The following CDH23 variants were observed in gnomAD, a reference collection of about 807,000 sequenced individuals.
CDH23 encodes the protein cadherin-23.
A neutral mutation model predicts 317.1 loss-of-function variants in CDH23; 189 were observed. That is an observed-to-expected ratio of 0.60 (90% CI 0.53 to 0.67). CDH23 has a LOEUF of 0.67. Ranked by LOEUF, CDH23 falls within the 30% of genes least tolerant of loss-of-function variation. CDH23 has a pLI of 0.00. For synonymous variants in CDH23, 1,839 were observed against 1,876.8 expected (o/e 0.98, Z 0.52); for missense variants, 4,401 against 4,592.4 (o/e 0.96, Z 1.20).
intron 4 of CDH23, among the ~76,000 whole-genome samples, 158 bp downstream of exon 4, chr10:71,510,382 C>T (rs1456553848): frequency 6.6e-6 from 1 of 152,106 alleles, no homozygotes; most frequent in African/African-American, 2.4e-5. Flanking sequence ...CTTCAAGGGC[C>T]AATGCTGGTG....
chr10:71,722,094 A>C (rs888238896), intron 28 of CDH23, among the ~76,000 whole-genome samples: 2 of 152,214 alleles, frequency 1.3e-5, no homozygotes, highest in Non-Finnish European at 2.9e-5. Context: ...GAGCAACGAT[A>C]GGAAAGCCTA....
intron 1 of CDH23, among the ~76,000 whole-genome samples, chr10:71,426,147 G>T (rs1050378278): frequency 6.6e-6 from 1 of 152,194 alleles, no homozygotes; most frequent in Non-Finnish European, 1.5e-5. Flanking sequence ...ACTAGGAGTG[G>T]CCTTGGCCTC....
intron 6 of CDH23, among the ~76,000 whole-genome samples, chr10:71,515,394 T>TCTCACACA (rs1491490493): frequency 1.9e-4 from 5 of 26,630 alleles, no homozygotes; most frequent in African/African-American, 4.3e-4. Context: ...TCTCTCTCTC[T>TCTCACACA]CACACACACA....
At chr10:71,521,259 C>T (rs1854661101) in intron 6 of CDH23, among the ~76,000 whole-genome samples, 1 of 152,104 alleles carries the variant, frequency 6.6e-6, no homozygotes, top group Non-Finnish European at 1.5e-5. Context: ...AGCCCAATGC[C>T]CACTCACGTC....
At position 71,695,675 on chromosome 10, in the gene CDH23, T is replaced by C. The variant is rs1865360672; in HGVS notation, c.2397+150T>C. ...TCTTGCAATAGAGTTCTAGCGGTTC[T>C]CCTGCATGGTGAAAGGCAGTCAGAG... On this transcript the variant is annotated intron_variant, in intron 22 of 69. Coordinates refer to ENST00000224721, the MANE Select transcript of CDH23 (RefSeq NM_022124.6). 8.0e-6 allele frequency: 5 copies of C among 621,672 alleles called. No homozygotes were observed. The Admixed American group carries it at 1.3e-4, about 16-fold the overall frequency. The allele number at this position is 621,672 out of a possible 1,614,324, so 38.5% of individuals were successfully genotyped here. A position where few individuals can be genotyped will look rare whatever the true frequency, so the allele number is the denominator to read the frequency against.
intron 1 of CDH23, among the ~76,000 whole-genome samples, chr10:71,408,217 T>G (rs1848199081): frequency 6.6e-6 from 1 of 152,168 alleles, no homozygotes; most frequent in South Asian, 2.1e-4. Context: ...TCAATTGATA[T>G]TTATTAAGCA....
chr10:71,427,697 G>A (rs1463399330), intron 1 of CDH23, among the ~76,000 whole-genome samples: 1 of 151,616 alleles, frequency 6.6e-6, no homozygotes, highest in South Asian at 2.1e-4. Flanking sequence ...TGGAGCATAG[G>A]GTAATTCTAT....
intron 3 of CDH23, among the ~76,000 whole-genome samples, chr10:71,461,615 C>A (rs576277476): frequency 6.6e-6 from 1 of 152,360 alleles, no homozygotes; most frequent in South Asian, 2.1e-4. Context: ...CATGCTTGTA[C>A]ATCTCCATGC....
At chr10:71,723,002 C>T (rs1217629465) in intron 28 of CDH23, among the ~76,000 whole-genome samples, 1 of 152,210 alleles carries the variant, frequency 6.6e-6, no homozygotes, top group African/African-American at 2.4e-5. Flanking sequence ...GTGATTGGCT[C>T]AGCTTTGATC....
At chr10:71,706,419 C>T (rs565058764) in intron 25 of CDH23, among the ~76,000 whole-genome samples, 2 of 152,154 alleles carry the variant, frequency 1.3e-5, no homozygotes, top group South Asian at 2.1e-4. Flanking sequence ...TCTGAGCTCC[C>T]GCTTCCTCAG....
intron 6 of CDH23, among the ~76,000 whole-genome samples, chr10:71,523,123 G>C (rs1216023015): frequency 6.6e-6 from 1 of 152,174 alleles, no homozygotes; most frequent in Non-Finnish European, 1.5e-5. Context: ...GAAGCAGGGA[G>C]GGTGTTTGGT....
intron 14 of CDH23, among the ~76,000 whole-genome samples, chr10:71,661,792 C>T (rs1176558667): frequency 1.4e-5 from 1 of 71,600 alleles, no homozygotes; most frequent in Non-Finnish European, 2.9e-5. Flanking sequence ...TCCCACCCTG[C>T]GCGCCCCCTC....
intron 36 of CDH23, 60 bp from the exon 37 acceptor site, chr10:71,740,761 CA>C: frequency 1.9e-6 from 3 of 1,606,868 alleles, no homozygotes; most frequent in Non-Finnish European, 1.7e-6. Flanking sequence ...TTTTGGACTC[CA>C]TATTCCCAAT....
At chr10:71,775,713 A>T (rs1840801674) in intron 38 of CDH23, among the ~76,000 whole-genome samples, 1 of 151,812 alleles carries the variant, frequency 6.6e-6, no homozygotes, top group Admixed American at 6.6e-5. Context: ...CCAAGGCCCA[A>T]CTCTGTTCAA....
chr10:71,599,042 C>T (rs564419681), intron 9 of CDH23, among the ~76,000 whole-genome samples: 9 of 152,226 alleles, frequency 5.9e-5, no homozygotes, highest in African/African-American at 2.2e-4. Context: ...CATCCCAGCC[C>T]GGGACCCCTG....
intron 6 of CDH23, among the ~76,000 whole-genome samples, chr10:71,538,983 C>A (rs369859474): frequency 6.6e-6 from 1 of 152,328 alleles, no homozygotes; most frequent in East Asian, 1.9e-4. Context: ...GCTCTCCTCA[C>A]TTGATTTTGA....
chr10:71,571,747 G>C (rs549859065), intron 8 of CDH23, among the ~76,000 whole-genome samples: 54 of 152,364 alleles, frequency 3.5e-4, no homozygotes, highest in African/African-American at 1.3e-3. Context: ...AGGGAACAGC[G>C]TTTGGGGAAA....
intron 6 of CDH23, among the ~76,000 whole-genome samples, chr10:71,554,819 AG>A (rs1564649980): frequency 6.6e-6 from 1 of 152,056 alleles, no homozygotes; most frequent in South Asian, 2.1e-4. Flanking sequence ...AAGATAGTAT[AG>A]GGATTACTAT....
chr10:71,613,199 A>G (rs1288268020), intron 9 of CDH23, among the ~76,000 whole-genome samples: 2 of 152,232 alleles, frequency 1.3e-5, no homozygotes, highest in African/African-American at 2.4e-5. Flanking sequence ...GAATGAACAG[A>G]TGAAAACACA....
Sources: gnomAD v4.1 joint callset for allele counts (sites outside exome capture counted in the v4.1 genomes callset) on GRCh38, gnomAD v4.1.1 for gene constraint, MANE v1.5 for transcripts, NCBI Gene and HGNC (gene_info 2026-07-23, HGNC 2026-07-21) for gene names.